The following SLC35F3 variants were observed in gnomAD, a reference collection of about 807,000 sequenced individuals.
SLC35F3 encodes the protein putative thiamine transporter SLC35F3.
Under a neutral mutation model 49.9 loss-of-function variants are expected in SLC35F3, and 25 were observed. The observed-to-expected ratio is 0.50, with a 90% CI of 0.37 to 0.70. The LOEUF (loss-of-function observed/expected upper bound fraction) is 0.70. Among genes scored for constraint, SLC35F3 ranks in the 30% least tolerant of loss-of-function variants. The pLI is 0.00. For missense variants in SLC35F3, 525 were observed against 639.8 expected (o/e 0.82, Z 1.94); for synonymous variants, 275 against 265.4 (o/e 1.04, Z -0.35).
chr1:233,987,245 C>T (rs1663280856), intron 2 of SLC35F3, among the ~76,000 whole-genome samples: 1 of 152,146 alleles, frequency 6.6e-6, no homozygotes, highest in Non-Finnish European at 1.5e-5. Context: ...GCCAAGATCG[C>T]ACCACTGCAC....
At chr1:234,040,985 G>A (rs1048594477) in intron 2 of SLC35F3, among the ~76,000 whole-genome samples, 2 of 152,134 alleles carry the variant, frequency 1.3e-5, no homozygotes, top group East Asian at 1.9e-4. Flanking sequence ...AACGTAAGAC[G>A]TGTTATGATA....
chr1:234,195,897 CTT>C (rs1213799231), intron 2 of SLC35F3, among the ~76,000 whole-genome samples: 1 of 152,194 alleles, frequency 6.6e-6, no homozygotes, highest in Non-Finnish European at 1.5e-5. Flanking sequence ...CATTCTCTCT[CTT>C]GTCTGCCACC....
At chr1:234,084,334 C>G (rs1164625844) in intron 2 of SLC35F3, among the ~76,000 whole-genome samples, 1 of 151,892 alleles carries the variant, frequency 6.6e-6, no homozygotes, top group Admixed American at 6.6e-5. Flanking sequence ...TGGATTATAT[C>G]TACCTGTGAA....
chr1:234,191,912 T>A (rs2102929484), intron 2 of SLC35F3, among the ~76,000 whole-genome samples: 1 of 152,010 alleles, frequency 6.6e-6, no homozygotes, highest in African/African-American at 2.4e-5. Context: ...CAGGAAGAAT[T>A]AGAAACCCTG....
intron 3 of SLC35F3, among the ~76,000 whole-genome samples, chr1:234,288,688 GT>G (rs1668461034): frequency 6.6e-6 from 1 of 152,168 alleles, no homozygotes; most frequent in Non-Finnish European, 1.5e-5. Flanking sequence ...TACCACCACA[GT>G]TTCACAAAGT....
chr1:234,307,776 T>C (rs1657236211), intron 3 of SLC35F3, among the ~76,000 whole-genome samples: 1 of 152,212 alleles, frequency 6.6e-6, no homozygotes, highest in African/African-American at 2.4e-5. Context: ...ACCATGTCCA[T>C]GAGCCTGGAC....
intron 2 of SLC35F3, among the ~76,000 whole-genome samples, chr1:234,077,693 C>T (rs1471547912): frequency 6.6e-6 from 1 of 152,178 alleles, no homozygotes; most frequent in Non-Finnish European, 1.5e-5. Context: ...ATCCAGTAAG[C>T]TTTGGGCAGG....
At chr1:234,087,035 A>C (rs947125348) in intron 2 of SLC35F3, among the ~76,000 whole-genome samples, 1 of 152,226 alleles carries the variant, frequency 6.6e-6, no homozygotes, top group Non-Finnish European at 1.5e-5. Flanking sequence ...TAAACCTGAC[A>C]TGACCTGTTT....
chr1:234,065,597 A>G (rs1238138974), intron 2 of SLC35F3, among the ~76,000 whole-genome samples: 1 of 152,200 alleles, frequency 6.6e-6, no homozygotes, highest in African/African-American at 2.4e-5. Context: ...CTATATCACA[A>G]TATATGAGTC....
chr1:234,237,225 A>C lies in SLC35F3; in HGVS notation c.608+5484A>C, dbSNP rs550046392. Reference sequence around the variant, plus strand: ...GCTACAGCATACGGTCCCATTTCACATAAGAGGTGGAATGACTGTCAGGTG... The same window carrying C: ...GCTACAGCATACGGTCCCATTTCACCTAAGAGGTGGAATGACTGTCAGGTG... On this transcript the variant is annotated intron_variant, in intron 3 of 7. Transcript: ENST00000366618. 3.9e-5 allele frequency among the ~76,000 whole-genome samples: 6 copies of C among 152,134 alleles called. No homozygotes were observed. The East Asian group carries it at 1.2e-3, about 29-fold the overall frequency.
chr1:233,960,960 C>T (rs1662790060), intron 2 of SLC35F3, among the ~76,000 whole-genome samples: 1 of 152,000 alleles, frequency 6.6e-6, no homozygotes, highest in Non-Finnish European at 1.5e-5. Context: ...GCCAAGAGCC[C>T]AGATCAAAAC....
rs562409741 is a variant in SLC35F3 at position 234,098,917 on chromosome 1, G to A, written c.284-132500G>A. Among the ~76,000 whole-genome samples, 3 of 152,072 alleles carry A rather than the reference G, an allele frequency of 2.0e-5. No individual in the cohort carries two copies. In the East Asian group the frequency reaches 5.8e-4, roughly 29 times the overall value. ...GATGGTGGTGACTGTGTTGGTGGTG[G>A]TGGCAGTTCGGATGGTGGTGGTAGT... On this transcript the variant is annotated intron_variant, in intron 2 of 7. Transcript: ENST00000366618.
intron 7 of SLC35F3, 123 bp from the exon 8 acceptor site, chr1:234,322,885 C>G (rs917546117): frequency 3.9e-6 from 3 of 770,656 alleles, no homozygotes; most frequent in Admixed American, 4.7e-5. Flanking sequence ...GAGGAGAATC[C>G]TGTGGTCCAG....
intron 2 of SLC35F3, among the ~76,000 whole-genome samples, chr1:234,073,735 T>A (rs1664753930): frequency 6.6e-6 from 1 of 152,232 alleles, no homozygotes; most frequent in Non-Finnish European, 1.5e-5. Context: ...AAATCCAGTA[T>A]AAACTGTGAA....
rs567060080 is a variant in SLC35F3 at position 234,288,468 on chromosome 1, C to T, written c.609-20633C>T. Reference sequence around the variant, plus strand: ...GCAGTCAGACTAGTCGCTGTGTCCACTGTGATTTGGTAAAAAATATGAAGG... The same window carrying T: ...GCAGTCAGACTAGTCGCTGTGTCCATTGTGATTTGGTAAAAAATATGAAGG... On this transcript the variant is annotated intron_variant, in intron 3 of 7. Transcript: ENST00000366618. 1.1e-4 allele frequency among the ~76,000 whole-genome samples: 16 copies of T among 152,286 alleles called. No homozygotes were observed. The South Asian group carries it at 2.5e-3, about 24-fold the overall frequency.
intron 2 of SLC35F3, among the ~76,000 whole-genome samples, chr1:234,206,844 A>T (rs1666978448): frequency 6.6e-6 from 1 of 152,134 alleles, no homozygotes; most frequent in Non-Finnish European, 1.5e-5. Context: ...GACCTCATTG[A>T]ACAAGACCTT....
At chr1:234,292,998 T>C (rs1361300188) in intron 3 of SLC35F3, among the ~76,000 whole-genome samples, 1 of 152,210 alleles carries the variant, frequency 6.6e-6, no homozygotes, top group African/African-American at 2.4e-5. Context: ...CACCCAGAGA[T>C]TACAGCTAAT....
At chr1:234,062,184 G>T (rs1664550823) in intron 2 of SLC35F3, among the ~76,000 whole-genome samples, 1 of 152,168 alleles carries the variant, frequency 6.6e-6, no homozygotes. Context: ...GGATCATTTA[G>T]TGAGGTTTAT....
At chr1:234,182,895 A>G (rs1019332879) in intron 2 of SLC35F3, among the ~76,000 whole-genome samples, 2 of 144,370 alleles carry the variant, frequency 1.4e-5, no homozygotes, top group African/African-American at 2.4e-5. Flanking sequence ...TCCATTTTCT[A>G]TACAATCATT....
Sources: allele counts gnomAD v4.1 joint callset (sites outside exome capture counted in the v4.1 genomes callset), GRCh38; gene constraint gnomAD v4.1.1; transcripts MANE v1.5; gene names NCBI Gene and HGNC (gene_info 2026-07-23, HGNC 2026-07-21).